Variants in SLAMF7 observed in about 807,000 individuals in gnomAD.
The protein encoded by SLAMF7 is 19A24 protein.
SLAMF7 carries 26 observed loss-of-function variants against 34.1 expected under a neutral mutation model. That is an observed-to-expected ratio of 0.76 (90% CI 0.56 to 1.06). SLAMF7 has a LOEUF of 1.06. Ranked by LOEUF, SLAMF7 falls within the 50% of genes least tolerant of loss-of-function variation. The pLI is 0.00. For synonymous variants in SLAMF7, 171 were observed against 156.4 expected (o/e 1.09, Z -0.70); for missense variants, 399 against 402.5 (o/e 0.99, Z 0.07).
At chr1:160,744,194 A>C (rs928014135) in intron 1 of SLAMF7, among the ~76,000 whole-genome samples, 1 of 152,232 alleles carries the variant, frequency 6.6e-6, no homozygotes, top group Non-Finnish European at 1.5e-5. Flanking sequence ...AGGGTCACAC[A>C]CTGCAGGTGC....
chr1:160,752,392 A>G, intron 6 of SLAMF7, 144 bp downstream of exon 6: 2 of 618,102 alleles, frequency 3.2e-6, no homozygotes, highest in East Asian at 5.7e-5. Context: ...CCCTTTGCTT[A>G]GGGTTATACA....
At position 160,752,921 on chromosome 1, in the gene SLAMF7, C is replaced by G. The variant is rs79571806; in HGVS notation, c.937-185C>G. 9.0e-3 allele frequency among the ~76,000 whole-genome samples: 1,375 copies of G among 152,190 alleles called. 21 individuals carry two copies. The highest frequency in any genetic ancestry group is 0.053 in the South Asian group (256 of 4,818). On this transcript the variant is annotated intron_variant, in intron 6 of 6. Transcript: ENST00000368043. ...TTAAGCATTCAGCAAGATAAATATG[C>G]GTTAAACTTACAGAATAGTTTCTCT...
rs1664790001 is a variant in SLAMF7, at chr1:160,753,389, G to A, written c.*212G>A. The A allele has an allele frequency of 7.3e-6, 4 of 550,876 alleles. No individual in the cohort carries two copies. Among genetic ancestry groups the A allele is most frequent in the South Asian group, 5.2e-5 (2 of 38,700 alleles). 34.1% of individuals were successfully genotyped at this position (550,876 alleles called of 1,614,324 possible). The stretch of plus-strand genomic sequence containing the variant: ...TGAGAAATCTCCTCAAACCCAGAAG[G>A]TTTAATCACTTCATCCCAAAAATGG... On this transcript the variant is annotated 3_prime_UTR_variant, in exon 7 of 7. Coordinates refer to ENST00000368043, the MANE Select transcript of SLAMF7 (RefSeq NM_021181.5).
In SLAMF7 at chr1:160,748,299, C is replaced by T. The variant is rs773388148; in HGVS notation, c.161C>T (p.Thr54Ile). The change falls in exon 2 of 7, where the codon ACC becomes ATC. Residue 54 changes from threonine to isoleucine, a missense_variant. Coordinates refer to ENST00000368043, the MANE Select transcript of SLAMF7 (RefSeq NM_021181.5). ...KVKQVDSIVW[T>I]FNTTPLVTIQ... is the part of the protein sequence containing the mutation. ...AAGCAAGTTGACTCTATTGTCTGGA[C>T]CTTCAACACAACCCCTCTTGTCACC... is the stretch of plus-strand genomic sequence containing the variant. The T allele has an allele frequency of 1.9e-6, 3 of 1,614,120 alleles. No individual in the cohort carries two copies. Among genetic ancestry groups the T allele is most frequent in the Non-Finnish European group, 2.5e-6 (3 of 1,179,988 alleles).
intron 1 of SLAMF7, among the ~76,000 whole-genome samples, chr1:160,745,904 C>A (rs900147326): frequency 5.9e-5 from 9 of 152,172 alleles, no homozygotes; most frequent in Admixed American, 6.5e-5. Flanking sequence ...AATTTGGAAA[C>A]CCTTGCCAAG....
In SLAMF7 at chr1:160,750,350, G is replaced by C. The variant is rs912058329; in HGVS notation, c.696G>C (p.Leu232=). Reference sequence around the variant, plus strand: ...CCTCCATGGTCCTCCTGTGTCTCCTGTTGGTGCCCCTCCTGCTCAGTCTCT... The same window carrying C: ...CCTCCATGGTCCTCCTGTGTCTCCTCTTGGTGCCCCTCCTGCTCAGTCTCT... The part of the protein sequence containing the change: ...PDSSMVLLCL[L]LVPLLLSLFV... The change falls in exon 4 of 7, where the codon CTG becomes CTC. Residue 232 remains leucine, a synonymous_variant. Transcript: ENST00000368043. 8 of 1,614,002 alleles carry C rather than the reference G, an allele frequency of 5.0e-6. No homozygotes were observed. The highest frequency in any genetic ancestry group is 6.8e-6 in the Non-Finnish European group (8 of 1,179,978).
intron 1 of SLAMF7, among the ~76,000 whole-genome samples, chr1:160,741,966 C>T (rs1256304857): frequency 2.0e-5 from 3 of 152,090 alleles, no homozygotes; most frequent in Non-Finnish European, 2.9e-5. Flanking sequence ...CCACAACACA[C>T]TGCTACATTT....
At chr1:160,751,294 G>A (rs780469421) in intron 4 of SLAMF7, 51 bp from the exon 5 acceptor site, 10 of 1,315,736 alleles carry the variant, frequency 7.6e-6, no homozygotes, top group Non-Finnish European at 9.9e-6. Flanking sequence ...GCCAGTGGAA[G>A]TGGTGAGTGG....
At position 160,748,477 on chromosome 1, in the gene SLAMF7, G is replaced by A; in HGVS notation, c.339G>A (p.Gln113=). 1 of 1,613,978 alleles carries A rather than the reference G, an allele frequency of 6.2e-7. No individual in the cohort carries two copies. The highest frequency in any genetic ancestry group is 2.2e-5 in the East Asian group (1 of 44,886). Residue 113 remains glutamine (Q), a synonymous_variant, in exon 2 of 7, where the codon CAG becomes CAA. Coordinates refer to ENST00000368043, the MANE Select transcript of SLAMF7 (RefSeq NM_021181.5). The stretch of plus-strand genomic sequence containing the variant: ...TGGGGATATACAGCTCATCACTCCA[G>A]CAGCCCTCCACCCAGGAGTACGTGC... ...YYVGIYSSSL[Q]QPSTQEYVLH...
intron 4 of SLAMF7, 44 bp from the exon 5 acceptor site, chr1:160,751,301 G>A: frequency 7.2e-7 from 1 of 1,392,932 alleles, no homozygotes; most frequent in Non-Finnish European, 1.0e-6. Context: ...GAAGTGGTGA[G>A]TGGTTGGAGA....
At chr1:160,750,740 G>A in intron 4 of SLAMF7, 1 of 259,330 alleles carries the variant, frequency 3.9e-6, no homozygotes, top group South Asian at 5.3e-5. Context: ...TGCTGACTCT[G>A]CTCCCCTGAC....
In SLAMF7 at chr1:160,748,480, G is replaced by C; in HGVS notation, c.342G>C (p.Gln114His). The C allele has an allele frequency of 6.2e-7, 1 of 1,613,922 alleles. No individual in the cohort carries two copies. The highest frequency in any genetic ancestry group is 1.3e-5 in the African/African-American group (1 of 75,028). The change falls in exon 2 of 7, where the codon CAG becomes CAC. Residue 114 changes from glutamine (Q) to histidine (H), a missense_variant. By Grantham distance (24) the Gln-to-His change is conservative. Coordinates refer to ENST00000368043, the MANE Select transcript of SLAMF7 (RefSeq NM_021181.5). ...GGATATACAGCTCATCACTCCAGCA[G>C]CCCTCCACCCAGGAGTACGTGCTGC... ...YVGIYSSSLQ[Q>H]PSTQEYVLHV... is the part of the protein sequence containing the mutation.
At position 160,750,439 on chromosome 1, in the gene SLAMF7, T is replaced by G; in HGVS notation, c.769+16T>G. The G allele has an allele frequency of 3.1e-6, 5 of 1,610,850 alleles. No homozygotes were observed. The highest frequency in any genetic ancestry group is 2.5e-6 in the Non-Finnish European group (3 of 1,178,488). ...AGACAAGAAGGTAGAGCGTGTACTATTTTTGTCCTCACCCACATTCATGTT... is the reference window on the plus strand; with the variant it reads ...AGACAAGAAGGTAGAGCGTGTACTAGTTTTGTCCTCACCCACATTCATGTT... On this transcript the variant is annotated intron_variant, in intron 4 of 6. Transcript: ENST00000368043.
At chr1:160,742,981 C>T (rs1344344931) in intron 1 of SLAMF7, among the ~76,000 whole-genome samples, 2 of 152,062 alleles carry the variant, frequency 1.3e-5, no homozygotes, top group African/African-American at 4.8e-5. Flanking sequence ...ACCCTGACTC[C>T]CAGTTAGGCC....
At position 160,753,551 on chromosome 1, in the gene SLAMF7, T is replaced by C. The variant is rs1664802069; in HGVS notation, c.*374T>C. On this transcript the variant is annotated 3_prime_UTR_variant, in exon 7 of 7. Transcript: ENST00000368043. ...GGTCAGTGTCTGGAGTTTCATTCCA[T>C]CCCAGGGCTTGGATGTCAGGATTAT... 1 of 194,398 alleles carries C rather than the reference T, an allele frequency of 5.1e-6. No homozygotes were observed. The highest frequency in any genetic ancestry group is 2.4e-5 in the African/African-American group (1 of 42,364). 12.0% of individuals were successfully genotyped at this position (194,398 alleles called of 1,614,324 possible). A position where few individuals can be genotyped will look rare whatever the true frequency, so the allele number is the denominator to read the frequency against.
chr1:160,746,573 T>G (rs1664148176), intron 1 of SLAMF7, among the ~76,000 whole-genome samples: 1 of 152,260 alleles, frequency 6.6e-6, no homozygotes. Context: ...ACCTCAGTTC[T>G]TGTCTACTTA....
intron 1 of SLAMF7, among the ~76,000 whole-genome samples, chr1:160,744,196 T>G (rs555208031): frequency 6.6e-6 from 1 of 152,344 alleles, no homozygotes; most frequent in African/African-American, 2.4e-5. Flanking sequence ...GGTCACACAC[T>G]GCAGGTGCAA....
At position 160,754,773 on chromosome 1, in the gene SLAMF7, T is replaced by A. The variant is rs1025875400; in HGVS notation, c.*1596T>A. On this transcript the variant is annotated 3_prime_UTR_variant, in exon 7 of 7. Transcript: ENST00000368043. ...AAAACCCTATTGTAGTAAAAAAGTC[T>A]TCTTTACTATCTTAATAAAACAGAT... is the stretch of plus-strand genomic sequence containing the variant. The A allele has an allele frequency of 2.6e-5, 4 of 152,392 alleles. No individual in the cohort carries two copies. Among genetic ancestry groups the A allele is most frequent in the African/African-American group, 4.8e-5 (2 of 41,472 alleles). 9.4% of individuals were successfully genotyped at this position (152,392 alleles called of 1,614,324 possible).
chr1:160,743,732 A>G (rs1408264107), intron 1 of SLAMF7, among the ~76,000 whole-genome samples: 2 of 152,214 alleles, frequency 1.3e-5, no homozygotes, highest in Non-Finnish European at 2.9e-5. Flanking sequence ...TCTGTCATCC[A>G]GGGTGGAGTG....
Sources: gnomAD v4.1 joint callset for allele counts (sites outside exome capture counted in the v4.1 genomes callset) on GRCh38, gnomAD v4.1.1 for gene constraint, MANE v1.5 for transcripts, NCBI Gene and HGNC (gene_info 2026-07-23, HGNC 2026-07-21) for gene names.